Variants in SLC15A2 observed in about 807,000 individuals in gnomAD.
SLC15A2 encodes kidney H(+)/peptide cotransporter.
In SLC15A2, 77 loss-of-function variants were observed where a neutral mutation model predicts 95.5. The observed-to-expected ratio is 0.81, with a 90% confidence interval of 0.67 to 0.97. The LOEUF (loss-of-function observed/expected upper bound fraction) is 0.97. Ranked by LOEUF, SLC15A2 falls within the 50% of genes least tolerant of loss-of-function variation. The probability of loss-of-function intolerance (pLI) is 0.00; values close to 1 mark genes in which losing one functional copy is unlikely to be tolerated. For missense variants in SLC15A2, 893 were observed against 874.4 expected (o/e 1.02, Z -0.27); for synonymous variants, 306 against 306.9 (o/e 1.00, Z 0.03).
chr3:121,924,406 T>C (rs1710070447), intron 12 of SLC15A2, 23 bp downstream of exon 12: 2 of 1,608,454 alleles, frequency 1.2e-6, no homozygotes, highest in Non-Finnish European at 8.5e-7. Context: ...TCTATAGCCA[T>C]GGGGACTTAT....
intron 7 of SLC15A2, among the ~76,000 whole-genome samples, chr3:121,921,001 C>T (rs9866936): frequency 0.45 from 67,900 of 151,994 alleles, 15,701 homozygotes; most frequent in East Asian, 0.69. Flanking sequence ...ATTGAAAAAA[C>T]CACTATTTTA....
intron 3 of SLC15A2, among the ~76,000 whole-genome samples, chr3:121,901,781 AT>A (rs1341873281): frequency 2.3e-4 from 35 of 151,680 alleles, no homozygotes. Flanking sequence ...AAATGGATAG[AT>A]TTTTGTTTCA....
At chr3:121,901,121 C>A (rs564919467) in intron 3 of SLC15A2, among the ~76,000 whole-genome samples, 3 of 152,026 alleles carry the variant, frequency 2.0e-5, no homozygotes, top group South Asian at 2.1e-4. Flanking sequence ...CAGGTCCAAG[C>A]GATTCTCCTG....
chr3:121,910,518 C>T (rs903666994), intron 3 of SLC15A2, among the ~76,000 whole-genome samples: 24 of 152,076 alleles, frequency 1.6e-4, no homozygotes, highest in African/African-American at 4.1e-4. Context: ...GTCCGCTACC[C>T]GCCATACACT....
chr3:121,936,425 C>T (rs538112864), intron 19 of SLC15A2, among the ~76,000 whole-genome samples: 6 of 152,118 alleles, frequency 3.9e-5, no homozygotes, highest in Non-Finnish European at 7.3e-5. Context: ...TCACTGAGGA[C>T]TTGCTTTATG....
intron 14 of SLC15A2, among the ~76,000 whole-genome samples, chr3:121,928,095 C>A (rs138295476): frequency 2.6e-5 from 4 of 152,306 alleles, no homozygotes; most frequent in Non-Finnish European, 5.9e-5. Flanking sequence ...GAGCCCTCTC[C>A]TTAGGGAACA....
At chr3:121,898,991 T>C (rs1709473214) in intron 3 of SLC15A2, among the ~76,000 whole-genome samples, 1 of 152,188 alleles carries the variant, frequency 6.6e-6, no homozygotes, top group Non-Finnish European at 1.5e-5. Flanking sequence ...TATGTAGTAG[T>C]AGTCACCAAG....
chr3:121,939,439 G>T lies in SLC15A2; in HGVS notation c.1852G>T (p.Val618Phe), dbSNP rs769603640. 4.5e-6 allele frequency: 7 copies of T among 1,571,016 alleles called. No individual in the cohort carries two copies. Among genetic ancestry groups the T allele is most frequent in the Non-Finnish European group, 6.0e-6 (7 of 1,159,612 alleles). Residue 618 changes from valine to phenylalanine, a missense_variant, in exon 20 of 22, where the codon GTT becomes TTT. By Grantham distance (50) the Val-to-Phe change is conservative. Transcript: ENST00000489711. ...GTGGCAGCTACCACAATATGCCCTG[G>T]TTACAGCTGGGGAGGTCATGTTCTC... is the stretch of plus-strand genomic sequence containing the variant. Reference protein sequence around the residue: ...IAWQLPQYALVTAGEVMFSVT... With the variant: ...IAWQLPQYALFTAGEVMFSVT...
intron 3 of SLC15A2, among the ~76,000 whole-genome samples, chr3:121,902,818 A>T (rs1052029358): frequency 2.0e-5 from 3 of 152,212 alleles, no homozygotes; most frequent in African/African-American, 7.2e-5. Flanking sequence ...TGCAGTAAAC[A>T]TATGTATGCA....
chr3:121,915,006 G>C, intron 5 of SLC15A2: 2 of 1,312,508 alleles, frequency 1.5e-6, no homozygotes, highest in Non-Finnish European at 1.9e-6. Flanking sequence ...GAAAAGGGAG[G>C]AAAAGAATGC....
In SLC15A2 at chr3:121,915,238, G is replaced by A. The variant is rs756929100; in HGVS notation, c.540G>A (p.Arg180=). 2 of 1,612,854 alleles carry A rather than the reference G, an allele frequency of 1.2e-6. No homozygotes were observed. Among genetic ancestry groups the A allele is most frequent in the South Asian group, 2.2e-5 (2 of 91,042 alleles). Reference sequence around the variant, plus strand: ...CCTGTTTGTTTCAGGCAGAGGAACGGACTAGATACTTCTCAGTCTTCTACC... The same window carrying A: ...CCTGTTTGTTTCAGGCAGAGGAACGAACTAGATACTTCTCAGTCTTCTACC... ...DQFEEKHAEE[R]TRYFSVFYLS... Residue 180 remains arginine (R), a synonymous_variant, in exon 6 of 22, where the codon CGG becomes CGA. Coordinates refer to ENST00000489711, the MANE Select transcript of SLC15A2 (RefSeq NM_021082.4).
rs1313608584 is a variant in SLC15A2 at position 121,942,332 on chromosome 3, T to C, written c.*1325T>C. On this transcript the variant is annotated 3_prime_UTR_variant, in exon 22 of 22. Transcript: ENST00000489711. ...GGGAATGGCACGACTGTGCAGTGTG[T>C]TACTAGGAAAAAAGTTCAGAATCAC... 6.6e-6 allele frequency: 1 copy of C among 152,312 alleles called. No individual in the cohort carries two copies. Among genetic ancestry groups the C allele is most frequent in the East Asian group, 1.9e-4 (1 of 5,192 alleles). 9.4% of individuals were successfully genotyped at this position (152,312 alleles called of 1,614,324 possible).
intron 7 of SLC15A2, among the ~76,000 whole-genome samples, chr3:121,918,169 C>A (rs1709932514): frequency 6.6e-6 from 1 of 152,100 alleles, no homozygotes; most frequent in African/African-American, 2.4e-5. Flanking sequence ...AAATTTAGTG[C>A]TTGAGATGAG....
chr3:121,915,292 T>C lies in SLC15A2; in HGVS notation c.594T>C (p.Ser198=), dbSNP rs1340701246. 1.9e-6 allele frequency: 3 copies of C among 1,612,436 alleles called. No individual in the cohort carries two copies. In the African/African-American group the frequency reaches 4.0e-5, roughly 22 times the overall value. Residue 198 remains serine, a synonymous_variant, in exon 6 of 22, where the codon TCT becomes TCC. Coordinates refer to ENST00000489711, the MANE Select transcript of SLC15A2 (RefSeq NM_021082.4). ...CCATCAATGCAGGGAGCTTGATTTC[T>C]ACATTTATCACACCCATGCTGAGAG... The part of the protein sequence containing the change: ...YLSINAGSLI[S]TFITPMLRGD...
rs150794374 is a variant in SLC15A2 at position 121,920,580 on chromosome 3, G to T, written c.698-1640G>T. On this transcript the variant is annotated intron_variant, in intron 7 of 21. Coordinates refer to ENST00000489711, the MANE Select transcript of SLC15A2 (RefSeq NM_021082.4). ...CAAACTGCTAAGTTTACGGGTGTGA[G>T]CCACCGCGCCCAGCCGTCTAGGTAC... Among the ~76,000 whole-genome samples, 577 of 152,248 alleles carry T rather than the reference G, an allele frequency of 3.8e-3. 4 individuals carry two copies. Among genetic ancestry groups the T allele is most frequent in the African/African-American group, 0.012 (512 of 41,542 alleles).
intron 4 of SLC15A2, among the ~76,000 whole-genome samples, 186 bp from the exon 5 acceptor site, chr3:121,912,835 C>G (rs1709798087): frequency 6.6e-6 from 1 of 152,072 alleles, no homozygotes; most frequent in Admixed American, 6.5e-5. Flanking sequence ...GCCGAAGGAT[C>G]ATAAATAGGG....
At position 121,922,778 on chromosome 3, in the gene SLC15A2, G is replaced by A; in HGVS notation, c.784G>A (p.Ala262Thr). The A allele has an allele frequency of 6.2e-7, 1 of 1,612,702 alleles. No individual in the cohort carries two copies. Among genetic ancestry groups the A allele is most frequent in the Middle Eastern group, 1.7e-4 (1 of 6,060 alleles). ...VAQVFKCIWF[A>T]ISNRFKNRSG... ...TGATGTCTACTCTCTGCCCTAGTTT[G>A]CTATTTCCAATCGTTTCAAGAACCG... is the stretch of plus-strand genomic sequence containing the variant. Residue 262 changes from alanine to threonine, a missense_variant, in exon 9 of 22, where the codon GCT (alanine) becomes ACT (threonine). Ala to Thr is a moderately conservative substitution (Grantham distance 58). Transcript: ENST00000489711.
chr3:121,932,250 A>C (rs1710249006), intron 19 of SLC15A2, among the ~76,000 whole-genome samples: 2 of 152,216 alleles, frequency 1.3e-5, no homozygotes, highest in African/African-American at 4.8e-5. Flanking sequence ...GGTTGTTAAG[A>C]GATAACATCA....
intron 19 of SLC15A2, 158 bp from the exon 20 acceptor site, chr3:121,939,190 GT>G (rs1339010223): frequency 4.0e-6 from 2 of 497,850 alleles, no homozygotes; most frequent in Admixed American, 4.3e-5. Flanking sequence ...ACGAAAAGAA[GT>G]TTTGAAAAGC....
Sources: gnomAD v4.1 joint callset for allele counts (sites outside exome capture counted in the v4.1 genomes callset) on GRCh38, gnomAD v4.1.1 for gene constraint, MANE v1.5 for transcripts, NCBI Gene and HGNC (gene_info 2026-07-23, HGNC 2026-07-21) for gene names.